MACROD2: variants seen among roughly 807,000 people sequenced by gnomAD.
MACROD2 encodes the protein mono-ADP ribosylhydrolase 2, also known as ADP-ribose glycohydrolase MACROD2.
In MACROD2, 36 loss-of-function variants were observed where a neutral mutation model predicts 70.4. The ratio of observed to expected loss-of-function variants is 0.51; its 90% CI spans 0.39 to 0.68. The LOEUF is 0.68. MACROD2 is among the 30% of genes least tolerant of loss of function. MACROD2 has a pLI of 0.00. For synonymous variants in MACROD2, 172 were observed against 178.8 expected (o/e 0.96, Z 0.30); for missense variants, 496 against 538.4 (o/e 0.92, Z 0.78).
chr20:14,357,711 G>C (rs1481493140), intron 3 of MACROD2, among the ~76,000 whole-genome samples: 1 of 152,216 alleles, frequency 6.6e-6, no homozygotes, highest in African/African-American at 2.4e-5. Flanking sequence ...AACAACTGAT[G>C]AGCAGCTGCT....
At chr20:15,678,571 G>T (rs1462635113) in intron 8 of MACROD2, among the ~76,000 whole-genome samples, 2 of 152,096 alleles carry the variant, frequency 1.3e-5, no homozygotes, top group Non-Finnish European at 2.9e-5. Context: ...ATGTTAGCCA[G>T]GATGGTCTCA....
At chr20:14,516,400 G>T (rs1368916565) in intron 4 of MACROD2, among the ~76,000 whole-genome samples, 1 of 152,104 alleles carries the variant, frequency 6.6e-6, no homozygotes, top group Admixed American at 6.5e-5. Flanking sequence ...GAATGGTATT[G>T]CCTAGGTTTT....
chr20:15,804,778 A>T (rs2063754361), intron 8 of MACROD2, among the ~76,000 whole-genome samples: 1 of 151,688 alleles, frequency 6.6e-6, no homozygotes. Flanking sequence ...AATACCTGTG[A>T]CTCTTTGCCC....
At chr20:15,362,768 A>G (rs1365837068) in intron 6 of MACROD2, among the ~76,000 whole-genome samples, 2 of 152,208 alleles carry the variant, frequency 1.3e-5, no homozygotes, top group Non-Finnish European at 2.9e-5. Flanking sequence ...TGATATGATT[A>G]TTCATTATTA....
At chr20:16,012,927 A>G (rs531103051) in intron 15 of MACROD2, among the ~76,000 whole-genome samples, 150 of 152,356 alleles carry the variant, frequency 9.8e-4, no homozygotes, top group African/African-American at 3.6e-3. Context: ...CACGCCTGTA[A>G]TCCCAGCACT....
rs1026091595 is a variant in MACROD2 at position 14,450,055 on chromosome 20, G to A, written c.272-43424G>A. Reference sequence around the variant, plus strand: ...GCTAAGAGATTGGACTTTATTCTAGGTATAGTCACTAAAAAATTATAAAAA... The same window carrying A: ...GCTAAGAGATTGGACTTTATTCTAGATATAGTCACTAAAAAATTATAAAAA... On this transcript the variant is annotated intron_variant, in intron 3 of 17. Transcript: ENST00000684519. Among the ~76,000 whole-genome samples the A allele has an allele frequency of 1.1e-4, 17 of 151,922 alleles. 1 individual carries two copies. The highest frequency in any genetic ancestry group is 3.9e-4 in the African/African-American group (16 of 41,312).
intron 3 of MACROD2, among the ~76,000 whole-genome samples, chr20:14,345,504 T>C (rs949528242): frequency 6.6e-6 from 1 of 152,018 alleles, no homozygotes; most frequent in Admixed American, 6.5e-5. Context: ...GTTATTTTTA[T>C]TTGAAGGTTT....
intron 8 of MACROD2, among the ~76,000 whole-genome samples, chr20:15,594,789 T>C (rs975194042): frequency 6.6e-6 from 1 of 152,240 alleles, no homozygotes; most frequent in African/African-American, 2.4e-5. Flanking sequence ...TTTCATACCT[T>C]TTCTTCTTTT....
At chr20:14,239,110 C>T (rs2081906203) in intron 3 of MACROD2, among the ~76,000 whole-genome samples, 1 of 150,042 alleles carries the variant, frequency 6.7e-6, no homozygotes, top group Non-Finnish European at 1.5e-5. Context: ...ATGAAGAATA[C>T]AATCTCATTC....
chr20:15,455,897 A>G lies in MACROD2; in HGVS notation c.571+24462A>G, dbSNP rs956101363. Among the ~76,000 whole-genome samples, 3 of 152,084 alleles carry G rather than the reference A, an allele frequency of 2.0e-5. No individual in the cohort carries two copies. The South Asian group carries it at 6.2e-4, about 32-fold the overall frequency. ...TTCACCAGTCACGCTGGCTCTCTTC[A>G]TAAATCTGTAAAATAAAAATGAGCT... On this transcript the variant is annotated intron_variant, in intron 7 of 17. Coordinates refer to ENST00000684519, the MANE Select transcript of MACROD2 (RefSeq NM_001351661.2).
chr20:14,446,393 C>T (rs1200423992), intron 3 of MACROD2, among the ~76,000 whole-genome samples: 1 of 152,012 alleles, frequency 6.6e-6, no homozygotes, highest in Admixed American at 6.6e-5. Flanking sequence ...AAGATTTGAA[C>T]CAGGCTGTCT....
At chr20:15,281,616 A>G (rs913953731) in intron 6 of MACROD2, among the ~76,000 whole-genome samples, 37 of 152,212 alleles carry the variant, frequency 2.4e-4, no homozygotes, top group African/African-American at 8.4e-4. Flanking sequence ...ATGCTGATGC[A>G]AGAGGTGGGC....
chr20:14,796,017 A>G (rs2072505585), intron 5 of MACROD2, among the ~76,000 whole-genome samples: 1 of 152,076 alleles, frequency 6.6e-6, no homozygotes, highest in African/African-American at 2.4e-5. Flanking sequence ...CTTGACATGA[A>G]CAGTTCCACA....
chr20:14,034,047 C>G (rs1226430385), intron 2 of MACROD2, among the ~76,000 whole-genome samples: 1 of 152,136 alleles, frequency 6.6e-6, no homozygotes, highest in East Asian at 1.9e-4. Context: ...TCTTGGCTCA[C>G]TGCAAGCTCC....
chr20:15,066,906 T>TGCA (rs2075580884), intron 5 of MACROD2, among the ~76,000 whole-genome samples: 1 of 148,420 alleles, frequency 6.7e-6, no homozygotes, highest in African/African-American at 2.5e-5. Context: ...AAGGAATAAG[T>TGCA]GCAGCGAACT....
chr20:14,569,476 C>T (rs192227798), intron 4 of MACROD2, among the ~76,000 whole-genome samples: 327 of 151,994 alleles, frequency 2.2e-3, no homozygotes, highest in Non-Finnish European at 3.2e-3. Context: ...ACTTTGTATT[C>T]CTGTGTGCCT....
Position 14,698,761 on chromosome 20 carries a change from TAA to T in MACROD2, c.418+13804_418+13805del, listed in dbSNP as rs560811133. 9.3e-5 allele frequency among the ~76,000 whole-genome samples: 14 copies of T among 149,808 alleles called. No individual in the cohort carries two copies. The South Asian group carries it at 1.3e-3, about 13-fold the overall frequency. On this transcript the variant is annotated intron_variant, in intron 5 of 17. Transcript: ENST00000684519. Reference sequence around the variant, plus strand: ...AACTTTATTAATTTAATTAAATAATTAAATGTAATTATTTAATTAAATAATTA... The same window carrying T: ...AACTTTATTAATTTAATTAAATAATTATGTAATTATTTAATTAAATAATTA...
chr20:15,684,553 T>C (rs2050202050), intron 8 of MACROD2, among the ~76,000 whole-genome samples: 1 of 151,558 alleles, frequency 6.6e-6, no homozygotes, highest in Non-Finnish European at 1.5e-5. Context: ...AATGGACATT[T>C]ATTCTGATTT....
chr20:14,540,299 A>G (rs190353359), intron 4 of MACROD2, among the ~76,000 whole-genome samples: 48 of 152,250 alleles, frequency 3.2e-4, no homozygotes, highest in Admixed American at 2.0e-3. Context: ...AGCAATTAAT[A>G]TAATTGGAGA....
Sources: gnomAD v4.1 joint callset for allele counts (sites outside exome capture counted in the v4.1 genomes callset) on GRCh38, gnomAD v4.1.1 for gene constraint, MANE v1.5 for transcripts, NCBI Gene and HGNC (gene_info 2026-07-23, HGNC 2026-07-21) for gene names.